The following GRIA2 variants were observed in gnomAD, a reference collection of about 807,000 sequenced individuals.
The protein encoded by GRIA2 is glutamate ionotropic receptor AMPA type subunit 2.
GRIA2 carries 14 observed loss-of-function variants against 97.3 expected under a neutral mutation model. The observed-to-expected ratio is 0.14, with a 90% CI of 0.10 to 0.23. The LOEUF is 0.23. Among genes scored for constraint, GRIA2 ranks in the 10% least tolerant of loss-of-function variants. The probability of loss-of-function intolerance (pLI) is 1.00; values close to 1 mark genes in which losing one functional copy is unlikely to be tolerated. For synonymous variants in GRIA2, 412 were observed against 387.8 expected, an observed-to-expected ratio of 1.06 and a Z score of -0.73; for missense variants, 558 against 1,069.8, an observed-to-expected ratio of 0.52 and a Z score of 6.67.
intron 2 of GRIA2, among the ~76,000 whole-genome samples, chr4:157,279,104 G>T (rs904954675): frequency 6.6e-6 from 1 of 151,956 alleles, no homozygotes; most frequent in Non-Finnish European, 1.5e-5. Flanking sequence ...CATGCTCCTT[G>T]GTATTTATCC....
Position 157,360,927 on chromosome 4 carries a change from A to G in GRIA2, c.2292-83A>G, listed in dbSNP as rs541562993. On this transcript the variant is annotated intron_variant, in intron 13 of 15. Coordinates refer to ENST00000264426, the MANE Select transcript of GRIA2 (RefSeq NM_001083619.3). The stretch of plus-strand genomic sequence containing the variant: ...TGTGACAAGAGTTGCCACAGAAGCC[A>G]AAGAAAAACAAATTAAAACAAAACA... 1.5e-5 allele frequency: 15 copies of G among 1,024,522 alleles called. No homozygotes were observed. The African/African-American group carries it at 2.4e-4, about 17-fold the overall frequency. The allele number at this position is 1,024,522 out of a possible 1,614,324, so 63.5% of individuals were successfully genotyped here. A position where few individuals can be genotyped will look rare whatever the true frequency, so the allele number is the denominator to read the frequency against.
chr4:157,360,102 C>T lies in GRIA2; in HGVS notation c.2250C>T (p.Ser750=). 1.9e-6 allele frequency: 3 copies of T among 1,613,810 alleles called. No individual in the cohort carries two copies. The highest frequency in any genetic ancestry group is 2.5e-6 in the Non-Finnish European group (3 of 1,179,874). The change falls in exon 13 of 16, where the codon TCC becomes TCT. Residue 750 remains serine (S), a synonymous_variant. Coordinates refer to ENST00000264426, the MANE Select transcript of GRIA2 (RefSeq NM_001083619.3). ...TGAAAGTTGGTGGAAACCTGGATTC[C>T]AAAGGCTATGGCATCGCAACACCTA... ...DTMKVGGNLD[S]KGYGIATPKG...
chr4:157,311,999 A>G (rs1005143065), intron 3 of GRIA2, among the ~76,000 whole-genome samples: 1 of 152,100 alleles, frequency 6.6e-6, no homozygotes, highest in Non-Finnish European at 1.5e-5. Context: ...AAATAGACAT[A>G]TTTGGAAAGA....
At chr4:157,240,802 G>C (rs1053157961) in intron 2 of GRIA2, among the ~76,000 whole-genome samples, 1 of 151,362 alleles carries the variant, frequency 6.6e-6, no homozygotes, top group African/African-American at 2.4e-5. Flanking sequence ...CTGGTGCGCC[G>C]CACCCACTAA....
chr4:157,274,616 T>G (rs531862019), intron 2 of GRIA2, among the ~76,000 whole-genome samples: 160 of 148,760 alleles, frequency 1.1e-3, no homozygotes, highest in African/African-American at 3.8e-3. Flanking sequence ...GAACATGCGG[T>G]GTTTGGCTTT....
chr4:157,317,733 T>C, intron 5 of GRIA2, 22 bp downstream of exon 5: 2 of 999,394 alleles, frequency 2.0e-6, no homozygotes, highest in Non-Finnish European at 3.1e-6. Flanking sequence ...AATTGGTATA[T>C]ATTATTTTAC....
intron 2 of GRIA2, among the ~76,000 whole-genome samples, chr4:157,283,648 T>C (rs1171257493): frequency 6.6e-6 from 1 of 151,968 alleles, no homozygotes; most frequent in Non-Finnish European, 1.5e-5. Flanking sequence ...TGGCTTTAAT[T>C]CTATTTATCA....
At chr4:157,335,570 TC>T (rs1468830406) in intron 9 of GRIA2, 100 bp from the exon 10 acceptor site, 1 of 717,642 alleles carries the variant, frequency 1.4e-6, no homozygotes, top group African/African-American at 1.8e-5. Flanking sequence ...CTTCATTCAC[TC>T]TGGCTAATGG....
intron 2 of GRIA2, among the ~76,000 whole-genome samples, chr4:157,298,777 C>A (rs1193889085): frequency 1.3e-5 from 2 of 151,866 alleles, no homozygotes; most frequent in Non-Finnish European, 2.9e-5. Flanking sequence ...TGTGCATTTT[C>A]TAAACCTAAC....
At chr4:157,341,194 A>G in intron 11 of GRIA2, 70 bp from the exon 12 acceptor site, 2 of 991,302 alleles carry the variant, frequency 2.0e-6, no homozygotes, top group South Asian at 1.3e-5. Context: ...TATTTGCATA[A>G]TACTGCTAAC....
intron 2 of GRIA2, among the ~76,000 whole-genome samples, chr4:157,231,108 C>A (rs535654010): frequency 6.6e-6 from 1 of 152,020 alleles, no homozygotes; most frequent in African/African-American, 2.4e-5. Context: ...GTTGCAGTCT[C>A]GGCCCACTGC....
chr4:157,356,944 C>G (rs1054356152), intron 12 of GRIA2, among the ~76,000 whole-genome samples: 5 of 151,982 alleles, frequency 3.3e-5, no homozygotes, highest in African/African-American at 1.2e-4. Context: ...AAAGTAGTGG[C>G]AAAAACAGCA....
At chr4:157,257,771 G>A in intron 2 of GRIA2, among the ~76,000 whole-genome samples, 1 of 152,140 alleles carries the variant, frequency 6.6e-6, no homozygotes, top group East Asian at 1.9e-4. Flanking sequence ...TGCTAACTAA[G>A]CCTCAGTATT....
At chr4:157,338,398 G>T (rs146500177) in intron 11 of GRIA2, among the ~76,000 whole-genome samples, 1 of 151,914 alleles carries the variant, frequency 6.6e-6, no homozygotes, top group African/African-American at 2.4e-5. Flanking sequence ...AGATGCCTGC[G>T]CCTGGGCATG....
chr4:157,283,678 C>A (rs1447289989), intron 2 of GRIA2, among the ~76,000 whole-genome samples: 1 of 151,786 alleles, frequency 6.6e-6, no homozygotes, highest in Non-Finnish European at 1.5e-5. Context: ...ATTTGCAATT[C>A]TGTAATCTAA....
rs188209018 is a variant in GRIA2, at chr4:157,312,509, A to T, written c.470-170A>T. Among the ~76,000 whole-genome samples, 5 of 152,262 alleles carry T rather than the reference A, an allele frequency of 3.3e-5. No homozygotes were observed. The East Asian group carries it at 9.6e-4, about 29-fold the overall frequency. On this transcript the variant is annotated intron_variant, in intron 3 of 15. Transcript: ENST00000264426. Reference sequence around the variant, plus strand: ...TAATGAGTTTTTGATGTGAAGTGACATAAGTAGAAGGTGATAAAGATCATA... The same window carrying T: ...TAATGAGTTTTTGATGTGAAGTGACTTAAGTAGAAGGTGATAAAGATCATA...
chr4:157,361,699 C>G lies in GRIA2; in HGVS notation c.2406+575C>G, dbSNP rs1226471040. 3.0e-6 allele frequency: 4 copies of G among 1,325,854 alleles called. No individual in the cohort carries two copies. The highest frequency in any genetic ancestry group is 4.3e-6 in the Non-Finnish European group (4 of 920,474). 82.1% of individuals were successfully genotyped at this position (1,325,854 alleles called of 1,614,324 possible). On this transcript the variant is annotated intron_variant, in intron 14 of 15. Transcript: ENST00000264426. This position sits in a 1 kb window ranked among gnomAD's most constrained non-coding sequence, Gnocchi z 5.2. ...GTGAAAAAACAAAATCAAACACAAA[C>G]AGCAAAATCAAACCACAAGTGTGTT...
chr4:157,346,257 A>G (rs1735761188), intron 12 of GRIA2, among the ~76,000 whole-genome samples: 1 of 152,132 alleles, frequency 6.6e-6, no homozygotes, highest in Non-Finnish European at 1.5e-5. Flanking sequence ...CTTCTATGGA[A>G]CTGTATTAAT....
chr4:157,344,380 A>G (rs1041797141), intron 12 of GRIA2, among the ~76,000 whole-genome samples: 1 of 152,046 alleles, frequency 6.6e-6, no homozygotes, highest in African/African-American at 2.4e-5. Flanking sequence ...GCTTCTGTGT[A>G]AGGTAGATAC....
Sources: gnomAD v4.1 joint callset for allele counts (sites outside exome capture counted in the v4.1 genomes callset) on GRCh38, gnomAD v4.1.1 for gene constraint, Gnocchi (gnomAD v3.1) non-coding constraint, MANE v1.5 for transcripts, NCBI Gene and HGNC (gene_info 2026-07-23, HGNC 2026-07-21) for gene names.